The following EEF1AKMT2 variants were observed in gnomAD, a reference collection of about 807,000 sequenced individuals.
The protein encoded by EEF1AKMT2 is EEF1A lysine methyltransferase 2, also known as eukaryotic translation elongation factor 1 alpha lysine methyltransferase 2.
Under a neutral mutation model 35.8 loss-of-function variants are expected in EEF1AKMT2, and 32 were observed. That is an observed-to-expected ratio of 0.89 (90% CI 0.67 to 1.20). The LOEUF is 1.20. Ranked by LOEUF, EEF1AKMT2 falls within the 50% of genes most tolerant of loss-of-function variation. The pLI is 0.00. For missense variants in EEF1AKMT2, 330 were observed against 347.5 expected (o/e 0.95, Z 0.40); for synonymous variants, 121 against 133.7 (o/e 0.91, Z 0.65).
At chr10:124,786,904 C>T (rs1417993049) in intron 3 of EEF1AKMT2, among the ~76,000 whole-genome samples, 1 of 151,762 alleles carries the variant, frequency 6.6e-6, no homozygotes, top group Non-Finnish European at 1.5e-5. Flanking sequence ...TATTAAAACC[C>T]AAAAGAACCT....
intron 3 of EEF1AKMT2, among the ~76,000 whole-genome samples, chr10:124,781,765 C>T (rs1287688941): frequency 1.3e-5 from 2 of 150,056 alleles, no homozygotes; most frequent in African/African-American, 4.9e-5. Flanking sequence ...AAAAAAAAAG[C>T]TCAGGAGATC....
intron 3 of EEF1AKMT2, among the ~76,000 whole-genome samples, chr10:124,783,468 T>C (rs75053977): frequency 0.017 from 2,517 of 152,152 alleles, 63 homozygotes; most frequent in African/African-American, 0.058. Context: ...ATTTAAACTC[T>C]CATGTATTGC....
At chr10:124,789,195 G>T in intron 2 of EEF1AKMT2, 38 bp from the exon 3 acceptor site, 1 of 1,391,640 alleles carries the variant, frequency 7.2e-7, no homozygotes. Context: ...GAGGGATACA[G>T]AGCAAAAGTC....
intron 3 of EEF1AKMT2, among the ~76,000 whole-genome samples, chr10:124,776,038 C>T (rs1350504937): frequency 1.3e-5 from 2 of 152,148 alleles, no homozygotes; most frequent in Non-Finnish European, 2.9e-5. Flanking sequence ...CCACCTCAGC[C>T]TCCCAAGTAG....
chr10:124,766,904 G>A (rs1386528209), intron 4 of EEF1AKMT2, among the ~76,000 whole-genome samples: 4 of 152,136 alleles, frequency 2.6e-5, no homozygotes, highest in African/African-American at 9.7e-5. Flanking sequence ...GCTCACGCCT[G>A]TAATCCCAGC....
intron 4 of EEF1AKMT2, among the ~76,000 whole-genome samples, chr10:124,770,604 T>C (rs1950424269): frequency 6.6e-6 from 1 of 152,186 alleles, no homozygotes; most frequent in African/African-American, 2.4e-5. Context: ...GTAATAAAGT[T>C]TGCCGTATCG....
rs1051089121 is a variant in EEF1AKMT2 at position 124,768,467 on chromosome 10, G to A, written c.400-2859C>T. Among the ~76,000 whole-genome samples the A allele has an allele frequency of 5.5e-4, 83 of 152,048 alleles. 1 individual carries two copies. The highest frequency in any genetic ancestry group is 1.3e-3 in the African/African-American group (53 of 41,386). ...CCACTAAAAATACAAAAATTAGGCCGGGCGCAGTGACTCACACCTGTAATC... is the reference window on the plus strand; with the variant it reads ...CCACTAAAAATACAAAAATTAGGCCAGGCGCAGTGACTCACACCTGTAATC... On this transcript the variant is annotated intron_variant, in intron 4 of 6. Coordinates refer to ENST00000368836, the MANE Select transcript of EEF1AKMT2 (RefSeq NM_212554.4).
intron 4 of EEF1AKMT2, among the ~76,000 whole-genome samples, chr10:124,771,346 A>G (rs534728296): frequency 1.9e-4 from 29 of 151,056 alleles, no homozygotes; most frequent in African/African-American, 3.2e-4. Flanking sequence ...TGATCCGCCC[A>G]CCTTGGCCTC....
At chr10:124,776,662 G>T (rs1021314146) in intron 3 of EEF1AKMT2, among the ~76,000 whole-genome samples, 3 of 151,698 alleles carry the variant, frequency 2.0e-5, no homozygotes, top group Non-Finnish European at 4.4e-5. Context: ...TTTTGTGGTG[G>T]TGAGTGCCTG....
At chr10:124,779,764 A>AG (rs1410820131) in intron 3 of EEF1AKMT2, among the ~76,000 whole-genome samples, 1 of 131,590 alleles carries the variant, frequency 7.6e-6, no homozygotes, top group Admixed American at 7.9e-5. Flanking sequence ...AAAAAAAAAA[A>AG]AAAAAAGAAA....
intron 3 of EEF1AKMT2, among the ~76,000 whole-genome samples, chr10:124,779,927 G>C (rs549204708): frequency 2.6e-4 from 40 of 151,894 alleles, no homozygotes; most frequent in African/African-American, 8.9e-4. Flanking sequence ...GCCAGGCGTG[G>C]TGGCGGGCAC....
chr10:124,789,196 A>G (rs577843580), intron 2 of EEF1AKMT2, 39 bp from the exon 3 acceptor site: 9 of 1,366,234 alleles, frequency 6.6e-6, no homozygotes, highest in Non-Finnish European at 9.4e-6. Flanking sequence ...AGGGATACAG[A>G]GCAAAAGTCA....
intron 3 of EEF1AKMT2, among the ~76,000 whole-genome samples, chr10:124,787,212 C>T (rs998619599): frequency 6.6e-6 from 1 of 151,906 alleles, no homozygotes; most frequent in East Asian, 1.9e-4. Context: ...CCTCCCAAAG[C>T]GCTGGGATTA....
intron 4 of EEF1AKMT2, 109 bp from the exon 5 acceptor site, chr10:124,765,717 G>C: frequency 2.7e-6 from 2 of 750,018 alleles, no homozygotes; most frequent in Admixed American, 6.0e-5. Flanking sequence ...TAATTATAAT[G>C]GCATTTTACA....
At chr10:124,773,814 G>C (rs908408110) in intron 4 of EEF1AKMT2, among the ~76,000 whole-genome samples, 9 of 152,094 alleles carry the variant, frequency 5.9e-5, no homozygotes, top group African/African-American at 2.2e-4. Context: ...GTGACACACA[G>C]ATACAAAGTG....
intron 3 of EEF1AKMT2, among the ~76,000 whole-genome samples, chr10:124,786,455 G>A (rs147304549): frequency 0.015 from 2,199 of 150,932 alleles, 16 homozygotes; most frequent in Non-Finnish European, 0.015. Flanking sequence ...GCAGTGAGCC[G>A]AGATCGCCCC....
intron 4 of EEF1AKMT2, among the ~76,000 whole-genome samples, chr10:124,766,545 C>G (rs541349708): frequency 6.6e-6 from 1 of 152,208 alleles, no homozygotes; most frequent in South Asian, 2.1e-4. Flanking sequence ...TCTGAAAACT[C>G]ATTTTGAAAA....
At chr10:124,768,527 C>T (rs1000990292) in intron 4 of EEF1AKMT2, among the ~76,000 whole-genome samples, 1 of 151,988 alleles carries the variant, frequency 6.6e-6, no homozygotes, top group Non-Finnish European at 1.5e-5. Context: ...GGCAGATCAC[C>T]TTAGGTCGTG....
At chr10:124,790,480 A>C (rs1950624894) in intron 1 of EEF1AKMT2, 142 bp from the exon 2 acceptor site, 11 of 648,774 alleles carry the variant, frequency 1.7e-5, no homozygotes, top group Non-Finnish European at 2.5e-5. Flanking sequence ...ACATAGTTCA[A>C]TCTTTTAACG....
Sources: allele counts gnomAD v4.1 joint callset (sites outside exome capture counted in the v4.1 genomes callset), GRCh38; gene constraint gnomAD v4.1.1; transcripts MANE v1.5; gene names NCBI Gene and HGNC (gene_info 2026-07-23, HGNC 2026-07-21).